The following PKD1L1 variants were observed in gnomAD, a reference collection of about 807,000 sequenced individuals.
The protein encoded by PKD1L1 is polycystin-1-like protein 1.
A neutral mutation model predicts 323.4 loss-of-function variants in PKD1L1; 236 were observed. The ratio of observed to expected loss-of-function variants is 0.73; its 90% CI spans 0.66 to 0.81. PKD1L1 has a LOEUF of 0.81. Among genes scored for constraint, PKD1L1 ranks in the 40% least tolerant of loss-of-function variants. PKD1L1 has a pLI of 0.00. For missense variants in PKD1L1, 3,320 were observed against 3,508.0 expected, an observed-to-expected ratio of 0.95 and a Z score of 1.35; for synonymous variants, 1,344 against 1,335.0, an observed-to-expected ratio of 1.01 and a Z score of -0.15.
At chr7:47,785,736 ATTTC>A (rs1008217198) in intron 56 of PKD1L1, among the ~76,000 whole-genome samples, 2 of 144,954 alleles carry the variant, frequency 1.4e-5, no homozygotes, top group Non-Finnish European at 3.1e-5. Context: ...CCGAGTTGAT[ATTTC>A]TTTCTTTTTT....
intron 12 of PKD1L1, 150 bp downstream of exon 12, chr7:47,904,228 A>C (rs936488601): frequency 3.2e-5 from 34 of 1,065,960 alleles, no homozygotes; most frequent in Non-Finnish European, 4.5e-5. Flanking sequence ...CTTGAGAAGC[A>C]TGGTCAGGTC....
intron 47 of PKD1L1, among the ~76,000 whole-genome samples, chr7:47,814,283 T>C (rs1784968383): frequency 6.6e-6 from 1 of 152,238 alleles, no homozygotes; most frequent in Non-Finnish European, 1.5e-5. Flanking sequence ...TTTATCTTTT[T>C]TGAAAGTTTC....
intron 56 of PKD1L1, among the ~76,000 whole-genome samples, chr7:47,782,666 C>T (rs559806462): frequency 5.1e-4 from 78 of 152,284 alleles, no homozygotes; most frequent in African/African-American, 1.7e-3. Context: ...CCCATGTGTG[C>T]TAGCTGTAAC....
At chr7:47,828,831 T>G (rs1250818292) in intron 44 of PKD1L1, among the ~76,000 whole-genome samples, 5 of 152,284 alleles carry the variant, frequency 3.3e-5, no homozygotes, top group Non-Finnish European at 7.4e-5. Flanking sequence ...TGACTCTCAA[T>G]GCACTGGGAT....
Position 47,905,321 on chromosome 7 carries a change from G to A in PKD1L1, c.1527C>T (p.Val509=). The change falls in exon 11 of 57, where the codon GTC becomes GTT. Residue 509 remains valine (V), a synonymous_variant. Transcript: ENST00000289672. The part of the protein sequence containing the change: ...SMTVWYKMQS[V]SVYTNGTVFA... ...ACACAGTTCCATTTGTGTAGACAGAGACGGCTGTGGCAAAAGAAAGGAAGG... is the reference window on the plus strand; with the variant it reads ...ACACAGTTCCATTTGTGTAGACAGAAACGGCTGTGGCAAAAGAAAGGAAGG... 1.9e-6 allele frequency: 3 copies of A among 1,613,506 alleles called. No individual in the cohort carries two copies. The highest frequency in any genetic ancestry group is 2.5e-6 in the Non-Finnish European group (3 of 1,179,806).
rs1294679332 is a variant in PKD1L1 at position 47,931,933 on chromosome 7, A to C, written c.519+3T>G. 3.7e-6 allele frequency: 6 copies of C among 1,609,576 alleles called. No homozygotes were observed. The African/African-American group carries it at 6.7e-5, about 18-fold the overall frequency. Reference sequence around the variant, plus strand: ...AATTCAATTGCAGGGGTTAGATACCAACCTGGAGAAGAGCAGAGAATGTGC... The same window carrying C: ...AATTCAATTGCAGGGGTTAGATACCCACCTGGAGAAGAGCAGAGAATGTGC... On this transcript the variant is annotated splice_donor_region_variant and intron_variant, in intron 5 of 56. Coordinates refer to ENST00000289672, the MANE Select transcript of PKD1L1 (RefSeq NM_138295.5).
At chr7:47,897,626 C>T (rs539123858) in intron 14 of PKD1L1, among the ~76,000 whole-genome samples, 1 of 152,338 alleles carries the variant, frequency 6.6e-6, no homozygotes, top group South Asian at 2.1e-4. Flanking sequence ...GGATGCCCTG[C>T]CCTCTGACTG....
intron 27 of PKD1L1, among the ~76,000 whole-genome samples, chr7:47,858,434 C>T (rs1044953318): frequency 1.3e-5 from 2 of 151,786 alleles, no homozygotes; most frequent in South Asian, 4.2e-4. Context: ...TGAAAATCTA[C>T]CAAAACAAAA....
chr7:47,844,687 C>T (rs1583615174), intron 33 of PKD1L1, among the ~76,000 whole-genome samples: 1 of 152,148 alleles, frequency 6.6e-6, no homozygotes, highest in Non-Finnish European at 1.5e-5. Context: ...GATATCAACC[C>T]TATCAATAAT....
chr7:47,904,792 G>A (rs1398007479), intron 11 of PKD1L1, among the ~76,000 whole-genome samples, 175 bp from the exon 12 acceptor site: 1 of 152,052 alleles, frequency 6.6e-6, no homozygotes, highest in Non-Finnish European at 1.5e-5. Context: ...GGAGAAGGGG[G>A]TTGATATTTT....
intron 16 of PKD1L1, among the ~76,000 whole-genome samples, chr7:47,889,129 C>G (rs1786751756): frequency 6.6e-6 from 1 of 152,028 alleles, no homozygotes; most frequent in African/African-American, 2.4e-5. Flanking sequence ...TGTGGGTGCA[C>G]AGTGGGGTGA....
intron 7 of PKD1L1, among the ~76,000 whole-genome samples, chr7:47,922,872 G>A (rs1787581145): frequency 1.3e-5 from 2 of 152,246 alleles, no homozygotes; most frequent in Non-Finnish European, 2.9e-5. Context: ...CCATGATGAC[G>A]ATGGCGGTTT....
chr7:47,778,907 G>A (rs1451545287), intron 56 of PKD1L1, among the ~76,000 whole-genome samples: 1 of 152,170 alleles, frequency 6.6e-6, no homozygotes, highest in Non-Finnish European at 1.5e-5. Context: ...AAAGAATTGT[G>A]CCCATAGAAC....
chr7:47,907,156 T>C (rs1291004663), intron 9 of PKD1L1, among the ~76,000 whole-genome samples: 1 of 150,894 alleles, frequency 6.6e-6, no homozygotes, highest in Non-Finnish European at 1.5e-5. Flanking sequence ...ATGTCATAAC[T>C]TCTTGGATGG....
chr7:47,870,974 AAAAAAAAAAG>A (rs1435471661), intron 24 of PKD1L1, among the ~76,000 whole-genome samples: 1 of 126,792 alleles, frequency 7.9e-6, no homozygotes, highest in East Asian at 2.1e-4. Flanking sequence ...CCTTGTCTCA[AAAAAAAAAAG>A]AAAAAAAAAA....
At chr7:47,802,435 T>A (rs1005961605) in intron 53 of PKD1L1, among the ~76,000 whole-genome samples, 1 of 152,140 alleles carries the variant, frequency 6.6e-6, no homozygotes, top group African/African-American at 2.4e-5. Context: ...AGGTTCGTTC[T>A]CTCTGCCCTG....
intron 24 of PKD1L1, among the ~76,000 whole-genome samples, chr7:47,873,020 T>C (rs910597680): frequency 1.3e-5 from 2 of 152,222 alleles, no homozygotes; most frequent in African/African-American, 4.8e-5. Context: ...GCTACATAGA[T>C]GAAACTCAAA....
Position 47,905,835 on chromosome 7 carries a change from A to C in PKD1L1, c.1522+8T>G. 6.2e-7 allele frequency: 1 copy of C among 1,610,700 alleles called. No homozygotes were observed. Among genetic ancestry groups the C allele is most frequent in the Non-Finnish European group, 8.5e-7 (1 of 1,179,374 alleles). On this transcript the variant is annotated splice_region_variant and intron_variant, in intron 10 of 56. Coordinates refer to ENST00000289672, the MANE Select transcript of PKD1L1 (RefSeq NM_138295.5). Reference sequence around the variant, plus strand: ...TTTGTTAAATCTGGAATTAAAACAAAGACATACATTGCATCTTATACCAGA... The same window carrying C: ...TTTGTTAAATCTGGAATTAAAACAACGACATACATTGCATCTTATACCAGA...
chr7:47,957,862 A>AAAAAAATATATATATATAT, the PKD1L1 span, among the ~76,000 whole-genome samples: 1 of 134,698 alleles, frequency 7.4e-6, no homozygotes, highest in African/African-American at 2.6e-5. Flanking sequence ...ATTAAAAAAA[A>AAAAAAATATATATATATAT]ATATATATAT....
Sources: allele counts gnomAD v4.1 joint callset (sites outside exome capture counted in the v4.1 genomes callset), GRCh38; gene constraint gnomAD v4.1.1; transcripts MANE v1.5; gene names NCBI Gene and HGNC (gene_info 2026-07-23, HGNC 2026-07-21).